CELF2: variants seen among roughly 807,000 people sequenced by gnomAD.
CELF2 encodes the protein CUGBP Elav-like family member 2.
In CELF2, 8 loss-of-function variants were observed where a neutral mutation model predicts 62.6. The observed-to-expected ratio is 0.13, with a 90% CI of 0.07 to 0.23. The LOEUF (loss-of-function observed/expected upper bound fraction) is 0.23. Ranked by LOEUF, CELF2 falls within the 10% of genes least tolerant of loss-of-function variation. The pLI is 1.00. For synonymous variants in CELF2, 258 were observed against 250.0 expected, an observed-to-expected ratio of 1.03 and a Z score of -0.30; for missense variants, 333 against 671.0, an observed-to-expected ratio of 0.50 and a Z score of 5.56.
chr10:11,196,978 A>AAAGGAAGGAAG (rs1318145224), intron 2 of CELF2, among the ~76,000 whole-genome samples: 12 of 63,902 alleles, frequency 1.9e-4, no homozygotes, highest in African/African-American at 7.5e-4. Context: ...AGAAAGAAAG[A>AAAGGAAGGAAG]GAGAAAGAAA....
chr10:10,667,989 G>A, the CELF2 span, among the ~76,000 whole-genome samples: 99 of 152,236 alleles, frequency 6.5e-4, no homozygotes, highest in Middle Eastern at 3.4e-3. Context: ...ACAAGCACCC[G>A]TGCCAGCCCT....
the CELF2 span, among the ~76,000 whole-genome samples, chr10:10,726,134 C>G: frequency 6.6e-6 from 1 of 152,106 alleles, no homozygotes; most frequent in African/African-American, 2.4e-5. Flanking sequence ...CACAGCACCC[C>G]ACTGAGGACA....
chr10:11,130,572 G>T (rs1415697702), intron 1 of CELF2, among the ~76,000 whole-genome samples: 1 of 152,186 alleles, frequency 6.6e-6, no homozygotes, highest in Non-Finnish European at 1.5e-5. Flanking sequence ...TGTATTAACG[G>T]CTTTGAGTTC....
At chr10:10,981,134 T>G (rs758431761) in intron 2 of CELF2, among the ~76,000 whole-genome samples, 1 of 152,250 alleles carries the variant, frequency 6.6e-6, no homozygotes, top group Non-Finnish European at 1.5e-5. Flanking sequence ...CCAATAAATA[T>G]AACTGAATGA....
At chr10:11,320,504 C>T (rs995840591) in intron 10 of CELF2, among the ~76,000 whole-genome samples, 13 of 152,212 alleles carry the variant, frequency 8.5e-5, no homozygotes, top group Non-Finnish European at 1.6e-4. Context: ...CAGCTCTCTG[C>T]GACTGTGGGA....
chr10:10,830,403 C>G (rs916706507), intron 1 of CELF2, among the ~76,000 whole-genome samples: 4 of 151,828 alleles, frequency 2.6e-5, no homozygotes, highest in Admixed American at 6.6e-5. Context: ...TATAGCAAGT[C>G]TTTACCTTAA....
intron 1 of CELF2, among the ~76,000 whole-genome samples, chr10:11,066,210 T>C (rs2068112343): frequency 6.6e-6 from 1 of 152,178 alleles, no homozygotes; most frequent in Non-Finnish European, 1.5e-5. Flanking sequence ...TTGTGTGCCT[T>C]GACATTCATC....
the CELF2 span, among the ~76,000 whole-genome samples, chr10:10,570,725 A>C: frequency 6.6e-6 from 1 of 152,158 alleles, no homozygotes; most frequent in Non-Finnish European, 1.5e-5. Flanking sequence ...TAGTACTGAG[A>C]AATTTACCTG....
At position 11,270,952 on chromosome 10, in the gene CELF2, T is replaced by C. The variant is rs2083571024; in HGVS notation, c.777+128T>C. 1 of 891,246 alleles carries C rather than the reference T, an allele frequency of 1.1e-6. No homozygotes were observed. Among genetic ancestry groups the C allele is most frequent in the Non-Finnish European group, 1.5e-6 (1 of 652,406 alleles). 55.2% of individuals were successfully genotyped at this position (891,246 alleles called of 1,614,324 possible). ...TCTCGGGGAATTATTGAAATCAGCA[T>C]TTATGCAGGATATTTTTCCAAGTTA... On this transcript the variant is annotated intron_variant, in intron 7 of 12. Transcript: ENST00000633077. This position sits in a 1 kb window ranked among gnomAD's most constrained non-coding sequence, Gnocchi z 5.8.
chr10:11,137,650 ACATCAT>A (rs1271207955), intron 1 of CELF2, among the ~76,000 whole-genome samples: 1 of 152,306 alleles, frequency 6.6e-6, no homozygotes, highest in East Asian at 1.9e-4. Flanking sequence ...GACTCTCATT[ACATCAT>A]CATCATTTTC....
chr10:10,787,429 G>T, the CELF2 span, among the ~76,000 whole-genome samples: 1 of 151,928 alleles, frequency 6.6e-6, no homozygotes, highest in Non-Finnish European at 1.5e-5. Context: ...AGAGAAATTA[G>T]AAAAAAACAA....
At chr10:10,525,615 A>G in the CELF2 span, among the ~76,000 whole-genome samples, 1 of 152,180 alleles carries the variant, frequency 6.6e-6, no homozygotes, top group Non-Finnish European at 1.5e-5. Flanking sequence ...TGCCTGGCTT[A>G]TTTTAATGTC....
rs1046153130 is a variant in CELF2 at position 11,321,861 on chromosome 10, C to T, written c.1294+475C>T. Among the ~76,000 whole-genome samples, 5 of 152,120 alleles carry T rather than the reference C, an allele frequency of 3.3e-5. No individual in the cohort carries two copies. Among genetic ancestry groups the T allele is most frequent in the African/African-American group, 1.2e-4 (5 of 41,404 alleles). On this transcript the variant is annotated intron_variant, in intron 11 of 12. Transcript: ENST00000633077. The surrounding 1 kb of genome is among the most constrained non-coding windows in gnomAD (Gnocchi z 6.2). Reference sequence around the variant, plus strand: ...AATAAATGGTTTTAATTATTTCCCCCAGCTACATCTTCTGAAGGGTTATGG... The same window carrying T: ...AATAAATGGTTTTAATTATTTCCCCTAGCTACATCTTCTGAAGGGTTATGG...
intron 1 of CELF2, among the ~76,000 whole-genome samples, chr10:11,140,161 G>T (rs1367127089): frequency 6.6e-6 from 1 of 152,056 alleles, no homozygotes; most frequent in Admixed American, 6.6e-5. Flanking sequence ...AAATCTGGTT[G>T]GTATATTTTC....
the CELF2 span, among the ~76,000 whole-genome samples, chr10:10,718,918 G>T: frequency 6.6e-6 from 1 of 151,162 alleles, no homozygotes; most frequent in Admixed American, 6.6e-5. Context: ...TCCATTGATT[G>T]TAAGAAAGCC....
chr10:10,646,713 G>A, the CELF2 span, among the ~76,000 whole-genome samples: 650 of 152,324 alleles, frequency 4.3e-3, 3 homozygotes, highest in African/African-American at 0.015. Flanking sequence ...GACCCAGGAT[G>A]TTCTGACGAA....
intron 1 of CELF2, among the ~76,000 whole-genome samples, chr10:10,816,112 G>T (rs918170313): frequency 1.3e-5 from 2 of 152,162 alleles, no homozygotes; most frequent in African/African-American, 4.8e-5. Context: ...TAACATAAAA[G>T]TATAAATCAC....
chr10:10,696,122 C>A, the CELF2 span, among the ~76,000 whole-genome samples: 4 of 152,070 alleles, frequency 2.6e-5, no homozygotes, highest in African/African-American at 9.7e-5. Flanking sequence ...TCTGTTTTTT[C>A]CCCATCTTTG....
chr10:10,636,750 A>G, the CELF2 span, among the ~76,000 whole-genome samples: 1 of 152,192 alleles, frequency 6.6e-6, no homozygotes, highest in Non-Finnish European at 1.5e-5. Context: ...TAATATAAGT[A>G]TTTCCACTGT....
Sources: gnomAD v4.1 joint callset for allele counts (sites outside exome capture counted in the v4.1 genomes callset) on GRCh38, gnomAD v4.1.1 for gene constraint, Gnocchi (gnomAD v3.1) non-coding constraint, MANE v1.5 for transcripts, NCBI Gene and HGNC (gene_info 2026-07-23, HGNC 2026-07-21) for gene names.